The following CATSPERT variants were observed in gnomAD, a reference collection of about 807,000 sequenced individuals.
CATSPERT encodes the protein cation channel sperm-associated targeting subunit tau.
chr2:201,496,173 A>G, the CATSPERT span, among the ~76,000 whole-genome samples: 1 of 151,994 alleles, frequency 6.6e-6, no homozygotes, highest in East Asian at 1.9e-4. Context: ...TATAATAGTC[A>G]CCCTATTGAA....
chr2:201,571,981 T>C, the CATSPERT span: 8 of 1,613,458 alleles, frequency 5.0e-6, no homozygotes, highest in African/African-American at 1.1e-4. Flanking sequence ...GCAAGATTCA[T>C]AAACATGGAT....
At chr2:201,592,012 C>T in the CATSPERT span, among the ~76,000 whole-genome samples, 1 of 152,126 alleles carries the variant, frequency 6.6e-6, no homozygotes, top group Non-Finnish European at 1.5e-5. Context: ...GCCAGAACTT[C>T]CAACACTATG....
chr2:201,489,930 C>T, the CATSPERT span, among the ~76,000 whole-genome samples: 7 of 150,510 alleles, frequency 4.7e-5, no homozygotes, highest in Non-Finnish European at 7.4e-5. Context: ...CATCTTGGCT[C>T]ACTGCAACCT....
the CATSPERT span, among the ~76,000 whole-genome samples, chr2:201,598,844 G>C: frequency 6.6e-6 from 1 of 152,026 alleles, no homozygotes. Flanking sequence ...GCCTCCCAAA[G>C]TGCTGGGCTT....
At chr2:201,552,134 C>T in the CATSPERT span, among the ~76,000 whole-genome samples, 2 of 152,028 alleles carry the variant, frequency 1.3e-5, no homozygotes, top group South Asian at 4.2e-4. Flanking sequence ...ACTACAGGTG[C>T]ATGCCACGCC....
At chr2:201,525,455 A>G in the CATSPERT span, among the ~76,000 whole-genome samples, 2 of 152,216 alleles carry the variant, frequency 1.3e-5, no homozygotes, top group Non-Finnish European at 2.9e-5. Context: ...ACCCAGCAAA[A>G]GCATTAAGAG....
the CATSPERT span, among the ~76,000 whole-genome samples, chr2:201,585,627 C>CA: frequency 5.6e-4 from 85 of 150,876 alleles, 1 homozygote; most frequent in East Asian, 6.4e-3. Flanking sequence ...ATTAAAAATA[C>CA]AAAAAAAAGA....
chr2:201,556,231 C>T, the CATSPERT span, among the ~76,000 whole-genome samples: 1 of 152,160 alleles, frequency 6.6e-6, no homozygotes, highest in African/African-American at 2.4e-5. Flanking sequence ...AACTTCAGGC[C>T]GGGTGCAGTG....
the CATSPERT span, among the ~76,000 whole-genome samples, chr2:201,541,826 C>T: frequency 6.6e-6 from 1 of 151,938 alleles, no homozygotes; most frequent in African/African-American, 2.4e-5. Context: ...GAACTCCTGA[C>T]CTCAGGTGAT....
chr2:201,542,682 C>T, the CATSPERT span, among the ~76,000 whole-genome samples: 1 of 152,106 alleles, frequency 6.6e-6, no homozygotes, highest in Non-Finnish European at 1.5e-5. Flanking sequence ...TATTCAAGTG[C>T]TCAGTCCATT....
chr2:201,590,944 C>T, the CATSPERT span, among the ~76,000 whole-genome samples: 1 of 152,062 alleles, frequency 6.6e-6, no homozygotes, highest in African/African-American at 2.4e-5. Context: ...CCTGTTCACT[C>T]TGATGGTAGT....
chr2:201,572,252 C>T, the CATSPERT span, among the ~76,000 whole-genome samples: 4 of 152,018 alleles, frequency 2.6e-5, no homozygotes, highest in Admixed American at 2.6e-4. Context: ...CTTATTTAAC[C>T]ATCTCAATAA....
At chr2:201,593,515 G>T in the CATSPERT span, among the ~76,000 whole-genome samples, 1 of 100,574 alleles carries the variant, frequency 9.9e-6, no homozygotes, top group East Asian at 3.0e-4. Flanking sequence ...GTGCAGAGCT[G>T]AGTTCAATTC....
chr2:201,578,721 A>G, the CATSPERT span, among the ~76,000 whole-genome samples: 1 of 152,182 alleles, frequency 6.6e-6, no homozygotes, highest in African/African-American at 2.4e-5. Context: ...ATTATTCATG[A>G]TCTTATAAAA....
At chr2:201,598,076 T>C in the CATSPERT span, among the ~76,000 whole-genome samples, 10 of 152,154 alleles carry the variant, frequency 6.6e-5, no homozygotes, top group African/African-American at 2.2e-4. Flanking sequence ...GTATTAATCA[T>C]GGTTTTTTGT....
chr2:201,494,379 A>G, the CATSPERT span: 1 of 1,537,270 alleles, frequency 6.5e-7, no homozygotes, highest in South Asian at 1.2e-5. Flanking sequence ...TCGAGAGGTG[A>G]CATGTGTTTG....
At chr2:201,528,734 G>T in the CATSPERT span, among the ~76,000 whole-genome samples, 2 of 151,956 alleles carry the variant, frequency 1.3e-5, no homozygotes. Flanking sequence ...AGAAAGAAGG[G>T]AACAGATACC....
chr2:201,591,522 A>G, the CATSPERT span, among the ~76,000 whole-genome samples: 8 of 152,112 alleles, frequency 5.3e-5, no homozygotes, highest in Non-Finnish European at 7.4e-5. Flanking sequence ...TTCTGTGAAG[A>G]AAGTCATTGG....
the CATSPERT span, chr2:201,553,921 T>C: frequency 6.6e-6 from 1 of 152,156 alleles, no homozygotes; most frequent in Non-Finnish European, 1.5e-5. Flanking sequence ...ACCATGAGCA[T>C]CTCAAGTAAT....
Sources: gnomAD v4.1 joint callset for allele counts (sites outside exome capture counted in the v4.1 genomes callset) on GRCh38, gnomAD v4.1.1 for gene constraint, MANE v1.5 for transcripts, NCBI Gene and HGNC (gene_info 2026-07-23, HGNC 2026-07-21) for gene names.